Variants in MYT1L observed in about 807,000 individuals in gnomAD.
MYT1L encodes the protein myelin transcription factor 1 like.
In MYT1L, 12 loss-of-function variants were observed where a neutral mutation model predicts 126.7. That is an observed-to-expected ratio of 0.09 (90% CI 0.06 to 0.15). The LOEUF (loss-of-function observed/expected upper bound fraction) is 0.15. Ranked by LOEUF, MYT1L falls within the 10% of genes least tolerant of loss-of-function variation. The probability of loss-of-function intolerance (pLI) is 1.00; values close to 1 mark genes in which losing one functional copy is unlikely to be tolerated. For synonymous variants in MYT1L, 541 were observed against 604.2 expected (o/e 0.90, Z 1.53); for missense variants, 979 against 1,585.2 (o/e 0.62, Z 6.49).
At chr2:2,127,024 A>G (rs1389424856) in intron 3 of MYT1L, among the ~76,000 whole-genome samples, 1 of 152,248 alleles carries the variant, frequency 6.6e-6, no homozygotes, top group Non-Finnish European at 1.5e-5. Flanking sequence ...GCATTTCTAA[A>G]GAGCTGAATT....
At chr2:1,846,935 G>A (rs1405559038) in intron 19 of MYT1L, among the ~76,000 whole-genome samples, 1 of 152,176 alleles carries the variant, frequency 6.6e-6, no homozygotes, top group Non-Finnish European at 1.5e-5. Context: ...TGGCTCTTCT[G>A]CATGACATCA....
chr2:2,186,531 A>G (rs542807555), intron 2 of MYT1L, among the ~76,000 whole-genome samples: 1 of 152,268 alleles, frequency 6.6e-6, no homozygotes, highest in South Asian at 2.1e-4. Flanking sequence ...CCCCATCACT[A>G]CCATTGGAGG....
chr2:2,038,081 G>A (rs556622214), intron 4 of MYT1L, among the ~76,000 whole-genome samples: 14 of 152,238 alleles, frequency 9.2e-5, no homozygotes, highest in African/African-American at 3.1e-4. Flanking sequence ...GGGTTCATTT[G>A]GACAGAAACC....
intron 9 of MYT1L, among the ~76,000 whole-genome samples, chr2:1,935,021 G>A (rs900553437): frequency 1.3e-5 from 2 of 152,140 alleles, no homozygotes; most frequent in Non-Finnish European, 2.9e-5. Context: ...TATTTCATCC[G>A]TGTCAAAGAG....
intron 3 of MYT1L, among the ~76,000 whole-genome samples, chr2:2,096,280 G>A (rs1228618027): frequency 6.6e-6 from 1 of 152,214 alleles, no homozygotes; most frequent in South Asian, 2.1e-4. Context: ...TTCCTGCTGT[G>A]CAAGGGACAT....
chr2:1,892,028 C>A lies in MYT1L; in HGVS notation c.2283+9G>T, dbSNP rs561338508. 2.3e-4 allele frequency: 344 copies of A among 1,512,144 alleles called. 2 individuals are homozygous for A. The South Asian group carries it at 4.0e-3, about 17-fold the overall frequency. The allele number at this position is 1,512,144 out of a possible 1,614,324, so 93.7% of individuals were successfully genotyped here. On this transcript the variant is annotated intron_variant, in intron 15 of 24. Coordinates refer to ENST00000647738, the MANE Select transcript of MYT1L (RefSeq NM_001303052.2). Reference sequence around the variant, plus strand: ...CGCCAGGTGGCTCCACCTGCCCAGGCGCGCGTACCCGCGTGGCGCACAGGT... The same window carrying A: ...CGCCAGGTGGCTCCACCTGCCCAGGAGCGCGTACCCGCGTGGCGCACAGGT...
At chr2:2,143,488 G>A (rs538324588) in intron 3 of MYT1L, among the ~76,000 whole-genome samples, 83 of 152,136 alleles carry the variant, frequency 5.5e-4, no homozygotes, top group African/African-American at 1.4e-3. Context: ...GGAAGCCAAC[G>A]TTTATCTTAG....
intron 3 of MYT1L, among the ~76,000 whole-genome samples, chr2:2,086,896 C>A (rs546626648): frequency 2.6e-5 from 4 of 152,226 alleles, no homozygotes; most frequent in Non-Finnish European, 5.9e-5. Flanking sequence ...GGGATGCCTG[C>A]CCCTCAGATG....
rs1015280413 is a variant in MYT1L, at chr2:1,789,137, G to T, written c.*2730C>A. ...GTTAGAGATCCTTCGTGCTACAAAT[G>T]TGGCAACACCTTGTTTATTTAGAGT... On this transcript the variant is annotated 3_prime_UTR_variant, in exon 25 of 25. Transcript: ENST00000647738. 6.6e-6 allele frequency: 1 copy of T among 152,214 alleles called. No individual in the cohort carries two copies. The highest frequency in any genetic ancestry group is 2.4e-5 in the African/African-American group (1 of 41,450). 9.4% of individuals were successfully genotyped at this position (152,214 alleles called of 1,614,324 possible). A position where few individuals can be genotyped will look rare whatever the true frequency, so the allele number is the denominator to read the frequency against.
intron 4 of MYT1L, among the ~76,000 whole-genome samples, chr2:2,007,079 C>T (rs2063406639): frequency 6.6e-6 from 1 of 151,412 alleles, no homozygotes; most frequent in Non-Finnish European, 1.5e-5. Context: ...CACATTTTTG[C>T]CATCCATTTG....
At chr2:2,209,940 T>C (rs2093445145) in intron 2 of MYT1L, among the ~76,000 whole-genome samples, 1 of 152,198 alleles carries the variant, frequency 6.6e-6, no homozygotes, top group Non-Finnish European at 1.5e-5. Context: ...CTCCACATTC[T>C]CTCCAGCATT....
intron 18 of MYT1L, among the ~76,000 whole-genome samples, chr2:1,870,053 G>A (rs567974342): frequency 6.9e-6 from 1 of 145,346 alleles, no homozygotes; most frequent in South Asian, 2.2e-4. Context: ...CCGAGAAGTC[G>A]AACTCAGAGG....
chr2:2,037,588 T>C (rs2067008183), intron 4 of MYT1L, among the ~76,000 whole-genome samples: 3 of 151,654 alleles, frequency 2.0e-5, no homozygotes, highest in Admixed American at 6.6e-5. Context: ...AAACCCCATC[T>C]CTACTAAAAA....
At position 1,791,367 on chromosome 2, in the gene MYT1L, G is replaced by A. The variant is rs2032054099; in HGVS notation, c.*500C>T. ...CTATGAAACAATATGCACACAAAAT[G>A]TATTTCTTAAATTCCATAAAGTCCT... On this transcript the variant is annotated 3_prime_UTR_variant, in exon 25 of 25. Coordinates refer to ENST00000647738, the MANE Select transcript of MYT1L (RefSeq NM_001303052.2). This position sits in a 1 kb window ranked among gnomAD's most constrained non-coding sequence, Gnocchi z 6.0. 2.4e-6 allele frequency: 1 copy of A among 425,414 alleles called. No homozygotes were observed. The allele number at this position is 425,414 out of a possible 1,614,324, so 26.4% of individuals were successfully genotyped here. A position where few individuals can be genotyped will look rare whatever the true frequency, so the allele number is the denominator to read the frequency against.
chr2:2,048,917 C>T lies in MYT1L; in HGVS notation c.-158+5061G>A, dbSNP rs141409791. 3.5e-3 allele frequency among the ~76,000 whole-genome samples: 540 copies of T among 152,284 alleles called. 5 individuals carry two copies. Among genetic ancestry groups the T allele is most frequent in the African/African-American group, 0.012 (513 of 41,566 alleles). On this transcript the variant is annotated intron_variant, in intron 4 of 24. Transcript: ENST00000647738. ...GTGGTGGCCTGTGACTTTGATAACA[C>T]AAGTCATGAGAAATGCAAATTTCTA...
At position 1,910,094 on chromosome 2, in the gene MYT1L, C is replaced by T; in HGVS notation, c.1817+146G>A. 1.4e-6 allele frequency: 1 copy of T among 699,006 alleles called. No individual in the cohort carries two copies. Among genetic ancestry groups the T allele is most frequent in the South Asian group, 1.8e-5 (1 of 54,136 alleles). 43.3% of individuals were successfully genotyped at this position (699,006 alleles called of 1,614,324 possible). ...CACAGCCTGGCCTGGAGTGAGGGGT[C>T]CTGGCCCCGGCTTCCAGCACAGCCC... is the stretch of plus-strand genomic sequence containing the variant. On this transcript the variant is annotated intron_variant, in intron 13 of 24. Coordinates refer to ENST00000647738, the MANE Select transcript of MYT1L (RefSeq NM_001303052.2). This position sits in a 1 kb window ranked among gnomAD's most constrained non-coding sequence, Gnocchi z 4.8.
In MYT1L at chr2:1,942,890, T is replaced by C. The variant is rs1192758169; in HGVS notation, c.505+92A>G. 6.2e-6 allele frequency: 9 copies of C among 1,440,012 alleles called. No individual in the cohort carries two copies. The Admixed American group carries it at 1.1e-4, about 17-fold the overall frequency. The allele number at this position is 1,440,012 out of a possible 1,614,324, so 89.2% of individuals were successfully genotyped here. ...TTGACCAAGAAGAACAATTTCTTTA[T>C]ATGCCAGTCATTCGTAGTAACAGCC... On this transcript the variant is annotated intron_variant, in intron 9 of 24. Coordinates refer to ENST00000647738, the MANE Select transcript of MYT1L (RefSeq NM_001303052.2).
intron 2 of MYT1L, among the ~76,000 whole-genome samples, chr2:2,211,343 G>T (rs1013713851): frequency 6.6e-6 from 1 of 152,070 alleles, no homozygotes; most frequent in Non-Finnish European, 1.5e-5. Flanking sequence ...TCTTTTTAAA[G>T]TAATTCTTTC....
intron 4 of MYT1L, among the ~76,000 whole-genome samples, chr2:2,008,843 GTTA>G (rs1286677960): frequency 6.6e-6 from 1 of 151,908 alleles, no homozygotes; most frequent in Non-Finnish European, 1.5e-5. Flanking sequence ...TCCATTTTGA[GTTA>G]TTATTATTTT....
Sources: gnomAD v4.1 joint callset for allele counts (sites outside exome capture counted in the v4.1 genomes callset) on GRCh38, gnomAD v4.1.1 for gene constraint, Gnocchi (gnomAD v3.1) non-coding constraint, MANE v1.5 for transcripts, NCBI Gene and HGNC (gene_info 2026-07-23, HGNC 2026-07-21) for gene names.